HDAC6: variants seen among roughly 807,000 people sequenced by gnomAD.
HDAC6 encodes protein deacetylase HDAC6.
In HDAC6, 5 loss-of-function variants were observed where a neutral mutation model predicts 88.9. The observed-to-expected ratio is 0.06, with a 90% confidence interval of 0.03 to 0.12. The LOEUF (loss-of-function observed/expected upper bound fraction) is 0.12. Among genes scored for constraint, HDAC6 ranks in the 10% least tolerant of loss-of-function variants. The pLI, the probability that HDAC6 is intolerant of heterozygous loss-of-function variation, is 1.00. For missense variants in HDAC6, 706 were observed against 1,014.4 expected (o/e 0.70, Z 4.13); for synonymous variants, 378 against 398.0 (o/e 0.95, Z 0.60).
chrX:48,805,607 A>G, intron 5 of HDAC6, 24 bp from the exon 6 acceptor site: 1 of 1,187,201 alleles, frequency 8.4e-7, no homozygotes, highest in Non-Finnish European at 1.1e-6. Flanking sequence ...CCTTTACCCC[A>G]CTTTATTCCT....
chrX:48,811,165 G>A (rs1557025828), intron 10 of HDAC6: 1 of 111,204 alleles, frequency 9.0e-6, no homozygotes, highest in East Asian at 2.8e-4. Context: ...TTACCCAGAC[G>A]TGATGGTGCG....
In HDAC6 at chrX:48,823,487, C is replaced by A. The variant is rs1557031036; in HGVS notation, c.3088C>A (p.Gln1030Lys). ...TCCTCTAGCCTCGAGCACAGACCACCAGACCCCCCCAACCTCACCTGTGCA... is the reference window on the plus strand; with the variant it reads ...TCCTCTAGCCTCGAGCACAGACCACAAGACCCCCCCAACCTCACCTGTGCA... ...QTPLASSTDHQTPPTSPVQGT... is the reference protein window; with the variant it reads ...QTPLASSTDHKTPPTSPVQGT... The change falls in exon 25 of 29, where the codon CAG becomes AAG. Residue 1030 changes from glutamine (Q) to lysine (K), a missense_variant. This residue lies in a region of HDAC6 where 112 missense variants were observed against 95.1 expected (regional missense o/e 1.18). Coordinates refer to ENST00000334136, the MANE Select transcript of HDAC6 (RefSeq NM_006044.4). 1.7e-6 allele frequency: 2 copies of A among 1,210,542 alleles called. No individual in the cohort carries two copies. The highest frequency in any genetic ancestry group is 4.3e-5 in the Admixed American group (2 of 45,987).
At chrX:48,813,056 C>G (rs1002668598) in intron 10 of HDAC6, among the ~76,000 whole-genome samples, 1 of 111,650 alleles carries the variant, frequency 9.0e-6, no homozygotes, top group African/African-American at 3.3e-5. Context: ...TACAGGCACG[C>G]GCCACCACGC....
chrX:48,824,517 C>A, intron 28 of HDAC6, 27 bp from the exon 29 acceptor site: 1 of 1,185,270 alleles, frequency 8.4e-7, no homozygotes. Context: ...CTCTCTCTCA[C>A]CTGCCCTATT....
At position 48,802,969 on chromosome X, in the gene HDAC6, A is replaced by T; in HGVS notation, c.192A>T (p.Glu64Asp). Residue 64 changes from glutamate to aspartate, a missense_variant, in exon 3 of 29, where the codon GAA becomes GAT. Transcript: ENST00000334136. ...GKMKKLGQAM[E>D]EDLIVGLQGM... ...TGAAGAAGCTCGGCCAAGCAATGGAAGAAGACCTAATCGTGGGACTGCAAG... is the reference window on the plus strand; with the variant it reads ...TGAAGAAGCTCGGCCAAGCAATGGATGAAGACCTAATCGTGGGACTGCAAG... 1 of 1,211,193 alleles carries T rather than the reference A, an allele frequency of 8.3e-7. No homozygotes were observed. Among genetic ancestry groups the T allele is most frequent in the Non-Finnish European group, 1.1e-6 (1 of 894,976 alleles).
chrX:48,818,521 T>A, intron 22 of HDAC6, 109 bp downstream of exon 22: 1 of 645,860 alleles, frequency 1.5e-6, no homozygotes, highest in Non-Finnish European at 2.3e-6. Flanking sequence ...GCTGATGATA[T>A]GAGACAGCGC....
intron 21 of HDAC6, 23 bp from the exon 22 acceptor site, chrX:48,818,197 G>T: frequency 3.4e-6 from 4 of 1,175,068 alleles, no homozygotes; most frequent in Non-Finnish European, 4.6e-6. Context: ...GCCATGGTCC[G>T]CTTCCCACCC....
Position 48,816,461 on chromosome X carries a change from C to A in HDAC6, c.1623-4C>A, listed in dbSNP as rs2062987383. On this transcript the variant is annotated splice_polypyrimidine_tract_variant and splice_region_variant and intron_variant, in intron 18 of 28. Coordinates refer to ENST00000334136, the MANE Select transcript of HDAC6 (RefSeq NM_006044.4). ...CCTGCGGGTGCTCCTCTCTGTGCTT[C>A]CAGTGCTGAGTACGTGGGTCATCTC... is the stretch of plus-strand genomic sequence containing the variant. The A allele has an allele frequency of 1.7e-6, 2 of 1,198,531 alleles. No individual in the cohort carries two copies. The highest frequency in any genetic ancestry group is 3.5e-5 in the African/African-American group (2 of 57,639).
intron 14 of HDAC6, 67 bp downstream of exon 14, chrX:48,815,118 C>G: frequency 1.1e-6 from 1 of 915,920 alleles, no homozygotes; most frequent in Non-Finnish European, 1.5e-6. Context: ...GCTTTCAAGT[C>G]CAACAGGAGT....
rs2063114767 is a variant in HDAC6 at position 48,823,320 on chromosome X, C to A, written c.2921C>A (p.Ala974Asp). The change falls in exon 25 of 29, where the codon GCC (alanine) becomes GAC (aspartate). Residue 974 changes from alanine (A) to aspartate (D), a missense_variant. This residue lies in a region of HDAC6 where 13 missense variants were observed against 33.4 expected (regional missense o/e 0.39). Coordinates refer to ENST00000334136, the MANE Select transcript of HDAC6 (RefSeq NM_006044.4). ...QTTSEDAVGG[A>D]TLGQTTSEEA... is the part of the protein sequence containing the mutation. ...ACCTCAGAGGATGCTGTTGGGGGAG[C>A]CACGCTGGGCCAGACTACCTCAGAG... The A allele has an allele frequency of 8.4e-7, 1 of 1,197,506 alleles. No individual in the cohort carries two copies. The highest frequency in any genetic ancestry group is 1.1e-6 in the Non-Finnish European group (1 of 888,635).
chrX:48,818,768 CAGGT>C (rs782452546), intron 22 of HDAC6, among the ~76,000 whole-genome samples: 126 of 112,379 alleles, frequency 1.1e-3, no homozygotes, highest in Non-Finnish European at 1.4e-3. Context: ...TCTGTGCAGG[CAGGT>C]ATTTCTCACC....
At chrX:48,801,820 T>A, upstream of HDAC6, 3 of 964,599 alleles carry the variant, frequency 3.1e-6, no homozygotes, top group Non-Finnish European at 4.0e-6. Context: ...GGGCGGGCAG[T>A]CGAGAGACGA....
intron 22 of HDAC6, chrX:48,819,886 A>G (rs1442058652): frequency 2.8e-5 from 14 of 497,813 alleles, no homozygotes; most frequent in Admixed American, 1.6e-4. Flanking sequence ...GTCTGCATCT[A>G]TTTCTTCTAC....
chrX:48,804,639 G>T (rs999650988), intron 4 of HDAC6, among the ~76,000 whole-genome samples: 5 of 112,255 alleles, frequency 4.5e-5, no homozygotes, highest in Non-Finnish European at 9.4e-5. Flanking sequence ...CTATTGAGGA[G>T]CTAGGGATAC....
At position 48,802,860 on chromosome X, in the gene HDAC6, C is replaced by G. The variant is rs1309475797; in HGVS notation, c.94-11C>G. 1.2e-5 allele frequency: 14 copies of G among 1,206,772 alleles called. No homozygotes were observed. In the East Asian group the frequency reaches 4.2e-4, roughly 36 times the overall value. On this transcript the variant is annotated splice_polypyrimidine_tract_variant and intron_variant, in intron 2 of 28. Coordinates refer to ENST00000334136, the MANE Select transcript of HDAC6 (RefSeq NM_006044.4). ...ATGCCCTGGACTCTGACCCTTCTCT[C>G]TGATTCACAGAAGCGAAATATTAAA...
intron 10 of HDAC6, chrX:48,813,703 CT>C (rs1320318673): frequency 8.9e-6 from 1 of 112,007 alleles, no homozygotes; most frequent in African/African-American, 3.2e-5. Flanking sequence ...ATACTCACCC[CT>C]CTGAGTGCTC....
rs1280878478 is a variant in HDAC6, at chrX:48,821,398, G to T, written c.2337+1143G>T. Among the ~76,000 whole-genome samples, 3 of 106,727 alleles carry T rather than the reference G, an allele frequency of 2.8e-5. 1 individual carries two copies. Among genetic ancestry groups the T allele is most frequent in the African/African-American group, 1.0e-4 (3 of 29,123 alleles). The allele number at this position is 106,727 out of a possible 115,157, so 92.7% of individuals were successfully genotyped here. Reference sequence around the variant, plus strand: ...AGTAGAGACGGGGTTTCACCATGTTGGCCAGGCTGGTGTTGAACTCCTGAC... The same window carrying T: ...AGTAGAGACGGGGTTTCACCATGTTTGCCAGGCTGGTGTTGAACTCCTGAC... On this transcript the variant is annotated intron_variant, in intron 23 of 28. Coordinates refer to ENST00000334136, the MANE Select transcript of HDAC6 (RefSeq NM_006044.4).
intron 4 of HDAC6, among the ~76,000 whole-genome samples, chrX:48,804,936 G>A (rs1334671271): frequency 2.7e-5 from 3 of 110,268 alleles, no homozygotes; most frequent in Non-Finnish European, 3.8e-5. Context: ...GCCAGCTAGA[G>A]TAAAGTTCTA....
chrX:48,818,388 C>T lies in HDAC6; in HGVS notation c.2163C>T (p.Arg721=). ...CTGACTACCTAGCTGCCTGGCATCGCCTGGTGCTTCCCATTGCCTACGAGG... is the reference window on the plus strand; with the variant it reads ...CTGACTACCTAGCTGCCTGGCATCGTCTGGTGCTTCCCATTGCCTACGAGG... ...GDADYLAAWH[R]LVLPIAYEFN... is the part of the protein sequence containing the mutation. Residue 721 remains arginine (R), a synonymous_variant, in exon 22 of 29, where the codon CGC becomes CGT. Coordinates refer to ENST00000334136, the MANE Select transcript of HDAC6 (RefSeq NM_006044.4). 1.7e-6 allele frequency: 2 copies of T among 1,180,820 alleles called. No individual in the cohort carries two copies. The highest frequency in any genetic ancestry group is 2.3e-6 in the Non-Finnish European group (2 of 879,216).
Sources: gnomAD v4.1 joint callset for allele counts (sites outside exome capture counted in the v4.1 genomes callset) on GRCh38, gnomAD v4.1.1 for gene constraint, gnomAD v4.1.1 regional missense constraint, MANE v1.5 for transcripts, NCBI Gene and HGNC (gene_info 2026-07-23, HGNC 2026-07-21) for gene names.